AMPD3: variants seen among roughly 807,000 people sequenced by gnomAD.
AMPD3 encodes AMP deaminase 3.
A neutral mutation model predicts 82.3 loss-of-function variants in AMPD3; 57 were observed. That is an observed-to-expected ratio of 0.69 (90% CI 0.56 to 0.86). The LOEUF is 0.86. Among genes scored for constraint, AMPD3 ranks in the 40% least tolerant of loss-of-function variants. AMPD3 has a pLI of 0.00. For missense variants in AMPD3, 870 were observed against 1,003.8 expected (o/e 0.87, Z 1.80); for synonymous variants, 381 against 394.7 (o/e 0.97, Z 0.41).
chr11:10,460,975 T>C (rs1458992591), intron 1 of AMPD3: 1 of 985,334 alleles, frequency 1.0e-6, no homozygotes, highest in Non-Finnish European at 1.2e-6. Context: ...GGAACTGCAA[T>C]AGCAGATTCT....
chr11:10,505,893 T>C lies in AMPD3; in HGVS notation c.*9T>C, dbSNP rs1032446888. The C allele has an allele frequency of 6.2e-7, 1 of 1,614,102 alleles. No individual in the cohort carries two copies. Among genetic ancestry groups the C allele is most frequent in the African/African-American group, 1.3e-5 (1 of 75,060 alleles). ...CCGCCTTGACCAACTAGGTCCAGCATTTGACATGCATTTTAACTTTTTGGT... is the reference window on the plus strand; with the variant it reads ...CCGCCTTGACCAACTAGGTCCAGCACTTGACATGCATTTTAACTTTTTGGT... On this transcript the variant is annotated 3_prime_UTR_variant, in exon 15 of 15. Coordinates refer to ENST00000396553, the MANE Select transcript of AMPD3 (RefSeq NM_001025389.2).
Position 10,484,908 on chromosome 11 carries a change from G to A in AMPD3, c.678G>A (p.Gly226=), listed in dbSNP as rs1849020271. ...PNLDYLVHMQ[G]GILFVYDNKK... ...TGGATTACTTGGTCCACATGCAGGG[G>A]GGCATCCTCTTTGTGTATGATAACA... Residue 226 remains glycine, a synonymous_variant, in exon 5 of 15, where the codon GGG becomes GGA. Transcript: ENST00000396553. The A allele has an allele frequency of 2.5e-6, 4 of 1,614,076 alleles. No homozygotes were observed. The South Asian group carries it at 3.3e-5, about 13-fold the overall frequency.
chr11:10,457,383 T>C (rs749321648), intron 1 of AMPD3, among the ~76,000 whole-genome samples: 1 of 152,182 alleles, frequency 6.6e-6, no homozygotes, highest in Non-Finnish European at 1.5e-5. Flanking sequence ...AATGTTACTC[T>C]ATGATCCTTG....
At chr11:10,452,263 G>A (rs1011943713), upstream of AMPD3, among the ~76,000 whole-genome samples, 2 of 151,984 alleles carry the variant, frequency 1.3e-5, no homozygotes, top group African/African-American at 4.8e-5. Context: ...AATGTCATGG[G>A]CAGATAACAT....
At chr11:10,454,420 A>G (rs4909932), upstream of AMPD3, among the ~76,000 whole-genome samples, 90,541 of 151,726 alleles carry the variant, frequency 0.6, 27,267 homozygotes, top group East Asian at 0.75. Context: ...ACCACAAGAT[A>G]TTAATAGGTG....
At chr11:10,502,916 C>G (rs771056557) in intron 13 of AMPD3, 22 bp downstream of exon 13, 43 of 1,612,648 alleles carry the variant, frequency 2.7e-5, no homozygotes, top group African/African-American at 4.0e-5. Flanking sequence ...GGGGTGAGGA[C>G]AGTAGTGCTT....
At chr11:10,496,969 C>T (rs748751989) in intron 10 of AMPD3, 31 bp downstream of exon 10, 8 of 1,612,486 alleles carry the variant, frequency 5.0e-6, no homozygotes, top group Non-Finnish European at 6.8e-6. Flanking sequence ...AGGCAGGGCT[C>T]ATAGCGGCAG....
chr11:10,455,325 C>A lies in AMPD3; in HGVS notation c.-129C>A. The A allele has an allele frequency of 1.0e-6, 1 of 985,468 alleles. No individual in the cohort carries two copies. The allele number at this position is 985,468 out of a possible 1,614,324, so 61.0% of individuals were successfully genotyped here. A position where few individuals can be genotyped will look rare whatever the true frequency, so the allele number is the denominator to read the frequency against. The stretch of plus-strand genomic sequence containing the variant: ...ACCCTGTGATGCCATTTTAATCAAC[C>A]CTGCTTGGTTTTAGAGGATTGCTCC... On this transcript the variant is annotated 5_prime_UTR_variant, in exon 1 of 15. Coordinates refer to ENST00000396553, the MANE Select transcript of AMPD3 (RefSeq NM_001025389.2).
Position 10,456,013 on chromosome 11 carries a change from A to G in AMPD3, c.-6+565A>G. On this transcript the variant is annotated intron_variant, in intron 1 of 14. Transcript: ENST00000396553. This position sits in a 1 kb window ranked among gnomAD's most constrained non-coding sequence, Gnocchi z 4.3. ...TGTGGCTTATCTCCTGCAGCTGGGC[A>G]GGACGGCTGAGTTTACTGTTGTAAA... 1 of 985,434 alleles carries G rather than the reference A, an allele frequency of 1.0e-6. No individual in the cohort carries two copies. The highest frequency in any genetic ancestry group is 1.2e-6 in the Non-Finnish European group (1 of 829,936). 61.0% of individuals were successfully genotyped at this position (985,434 alleles called of 1,614,324 possible).
chr11:10,471,682 A>G (rs1156703806), intron 2 of AMPD3, among the ~76,000 whole-genome samples: 1 of 152,272 alleles, frequency 6.6e-6, no homozygotes, highest in Non-Finnish European at 1.5e-5. Flanking sequence ...TGCAGCCAAC[A>G]AACATATGAA....
chr11:10,501,173 G>A (rs1439803272), intron 11 of AMPD3: 2 of 985,232 alleles, frequency 2.0e-6, no homozygotes, highest in Admixed American at 6.1e-5. Context: ...GGAGTTCTAC[G>A]AATGCGGGAC....
intron 2 of AMPD3, chr11:10,473,548 C>G (rs1222543031): frequency 1.0e-6 from 1 of 985,216 alleles, no homozygotes; most frequent in Admixed American, 6.2e-5. Context: ...GTTTTCACAC[C>G]TGATTGGCTG....
intron 10 of AMPD3, chr11:10,499,600 C>T: frequency 1.0e-6 from 1 of 961,768 alleles, no homozygotes; most frequent in Non-Finnish European, 1.2e-6. Context: ...CAACCCCTCC[C>T]TCCTGGGTTG....
intron 5 of AMPD3, chr11:10,486,685 C>G: frequency 1.0e-6 from 1 of 985,398 alleles, no homozygotes; most frequent in African/African-American, 1.7e-5. Flanking sequence ...GGTCAGGGGG[C>G]TGGTTCCTCT....
chr11:10,454,068 G>C (rs78901851), upstream of AMPD3, among the ~76,000 whole-genome samples: 1 of 152,306 alleles, frequency 6.6e-6, no homozygotes, highest in South Asian at 2.1e-4. Context: ...CTTTGAGCTT[G>C]GGATCAGTGC....
In AMPD3 at chr11:10,456,697, G is replaced by T; in HGVS notation, c.-6+1249G>T. 5 of 823,968 alleles carry T rather than the reference G, an allele frequency of 6.1e-6. No individual in the cohort carries two copies. Among genetic ancestry groups the T allele is most frequent in the Non-Finnish European group, 7.3e-6 (5 of 682,582 alleles). The allele number at this position is 823,968 out of a possible 1,614,324, so 51.0% of individuals were successfully genotyped here. On this transcript the variant is annotated intron_variant, in intron 1 of 14. Transcript: ENST00000396553. This position sits in a 1 kb window ranked among gnomAD's most constrained non-coding sequence, Gnocchi z 4.3. Reference sequence around the variant, plus strand: ...GCCTGCTGGCTTCAGCTGACAAAGGGTTGGAAGCCAGGCGTGAACATGCAG... The same window carrying T: ...GCCTGCTGGCTTCAGCTGACAAAGGTTTGGAAGCCAGGCGTGAACATGCAG...
chr11:10,502,202 A>G, intron 12 of AMPD3: 1 of 985,366 alleles, frequency 1.0e-6, no homozygotes, highest in Non-Finnish European at 1.2e-6. Flanking sequence ...AGGTGTAACC[A>G]TGGGTCACAT....
Position 10,456,402 on chromosome 11 carries a change from G to T in AMPD3, c.-6+954G>T, listed in dbSNP as rs1317296012. On this transcript the variant is annotated intron_variant, in intron 1 of 14. Coordinates refer to ENST00000396553, the MANE Select transcript of AMPD3 (RefSeq NM_001025389.2). This position sits in a 1 kb window ranked among gnomAD's most constrained non-coding sequence, Gnocchi z 4.3. ...AGGACCAGTCATGGAGCCAGGCTCA[G>T]GTCTGTGTCGGGGCTTCTGCAAGGG... is the stretch of plus-strand genomic sequence containing the variant. 3.1e-6 allele frequency: 5 copies of T among 1,613,706 alleles called. No individual in the cohort carries two copies. The highest frequency in any genetic ancestry group is 4.2e-6 in the Non-Finnish European group (5 of 1,179,714).
intron 10 of AMPD3, chr11:10,497,775 G>A (rs946799283): frequency 2.2e-5 from 22 of 985,380 alleles, no homozygotes; most frequent in Non-Finnish European, 2.7e-5. Flanking sequence ...CAGGAGGGGA[G>A]CTTGACCCAG....
Sources: allele counts gnomAD v4.1 joint callset (sites outside exome capture counted in the v4.1 genomes callset), GRCh38; gene constraint gnomAD v4.1.1; non-coding constraint Gnocchi (gnomAD v3.1); transcripts MANE v1.5; gene names NCBI Gene and HGNC (gene_info 2026-07-23, HGNC 2026-07-21).